The following CDH12 variants were observed in gnomAD, a reference collection of about 807,000 sequenced individuals.
The protein encoded by CDH12 is cadherin-12.
A neutral mutation model predicts 74.1 loss-of-function variants in CDH12; 41 were observed. That is an observed-to-expected ratio of 0.55 (90% CI 0.43 to 0.72). The LOEUF (loss-of-function observed/expected upper bound fraction) is 0.72, where lower values mean the gene tolerates loss of function less well. Among genes scored for constraint, CDH12 ranks in the 30% least tolerant of loss-of-function variants. The pLI is 0.00. For missense variants in CDH12, 945 were observed against 977.2 expected (o/e 0.97, Z 0.44); for synonymous variants, 399 against 355.0 (o/e 1.12, Z -1.39).
chr5:22,721,847 C>A (rs1580926605), intron 1 of CDH12, among the ~76,000 whole-genome samples: 1 of 152,142 alleles, frequency 6.6e-6, no homozygotes, highest in African/African-American at 2.4e-5. Flanking sequence ...TTAGCTTACT[C>A]TCTTTCCTGC....
At chr5:22,162,409 G>T (rs1346051695) in intron 4 of CDH12, among the ~76,000 whole-genome samples, 1 of 152,130 alleles carries the variant, frequency 6.6e-6, no homozygotes, top group Non-Finnish European at 1.5e-5. Flanking sequence ...AAAAGTCTTT[G>T]AACTTGTTCC....
chr5:22,011,464 T>C (rs1737287729), intron 5 of CDH12, among the ~76,000 whole-genome samples: 1 of 152,214 alleles, frequency 6.6e-6, no homozygotes, highest in African/African-American at 2.4e-5. Flanking sequence ...AGTTTTGCCT[T>C]TTATTGAACA....
At chr5:22,330,194 G>A (rs1168205143) in intron 3 of CDH12, among the ~76,000 whole-genome samples, 1 of 152,158 alleles carries the variant, frequency 6.6e-6, no homozygotes, top group Non-Finnish European at 1.5e-5. Flanking sequence ...ACCAGGCAGA[G>A]TAATGAGGCT....
intron 1 of CDH12, among the ~76,000 whole-genome samples, chr5:22,707,676 A>G (rs780569860): frequency 2.6e-5 from 4 of 152,178 alleles, no homozygotes; most frequent in East Asian, 1.9e-4. Context: ...ATTAAGACAT[A>G]TGGAATATTT....
intron 3 of CDH12, among the ~76,000 whole-genome samples, chr5:22,231,443 T>TA (rs1752380691): frequency 6.6e-6 from 1 of 152,058 alleles, no homozygotes; most frequent in Non-Finnish European, 1.5e-5. Context: ...TAGGGGATTT[T>TA]ATGTTTAATA....
At chr5:21,864,669 T>A (rs1751234718) in intron 6 of CDH12, among the ~76,000 whole-genome samples, 2 of 152,116 alleles carry the variant, frequency 1.3e-5, no homozygotes, top group Admixed American at 6.5e-5. Context: ...AACAAACACC[T>A]GAAAATGTGA....
intron 1 of CDH12, among the ~76,000 whole-genome samples, chr5:22,574,870 A>T (rs1172072570): frequency 6.6e-6 from 1 of 152,212 alleles, no homozygotes; most frequent in Non-Finnish European, 1.5e-5. Context: ...ATGTTATCAG[A>T]GATGAGTGTT....
At chr5:22,008,372 G>T (rs1737087829) in intron 5 of CDH12, among the ~76,000 whole-genome samples, 1 of 151,960 alleles carries the variant, frequency 6.6e-6, no homozygotes, top group African/African-American at 2.4e-5. Context: ...TGGGATTACA[G>T]GCGTCCACCA....
In CDH12 at chr5:22,315,119, CTTT is replaced by C. The variant is rs70959715; in HGVS notation, c.-333+90135_-333+90137del. Among the ~76,000 whole-genome samples the C allele has an allele frequency of 2.3e-3, 54 of 22,994 alleles. 3 individuals carry two copies. The East Asian group carries it at 0.042, about 18-fold the overall frequency. The allele number at this position is 22,994 out of a possible 152,430, so 15.1% of individuals were successfully genotyped here. ...GGCGCCTGCCACCGTGCCTGCCTGG[CTTT>C]TTTTTTTTTTTTTTTTTTTTTAGTA... On this transcript the variant is annotated intron_variant, in intron 3 of 14. Coordinates refer to ENST00000382254, the MANE Select transcript of CDH12 (RefSeq NM_004061.5).
chr5:22,795,817 C>G (rs899385415), intron 1 of CDH12, among the ~76,000 whole-genome samples: 1 of 151,592 alleles, frequency 6.6e-6, no homozygotes, highest in Non-Finnish European at 1.5e-5. Context: ...AAATTGGTAT[C>G]AAAATAGTAG....
chr5:22,848,126 C>T (rs368521469), intron 1 of CDH12, among the ~76,000 whole-genome samples: 5 of 152,046 alleles, frequency 3.3e-5, no homozygotes, highest in African/African-American at 9.7e-5. Context: ...TACAAATTTC[C>T]CTTCATTATG....
At chr5:22,238,454 A>G (rs1474588417) in intron 3 of CDH12, among the ~76,000 whole-genome samples, 4 of 152,214 alleles carry the variant, frequency 2.6e-5, no homozygotes, top group Non-Finnish European at 5.9e-5. Flanking sequence ...TTATCACTGT[A>G]AAGAAAGTCT....
chr5:22,141,914 C>A (rs1467992114), intron 4 of CDH12, among the ~76,000 whole-genome samples: 3 of 152,122 alleles, frequency 2.0e-5, no homozygotes, highest in African/African-American at 7.2e-5. Flanking sequence ...TATACTCAAA[C>A]ATCATTGATG....
intron 4 of CDH12, among the ~76,000 whole-genome samples, chr5:22,099,655 C>A (rs920301954): frequency 3.3e-5 from 5 of 152,118 alleles, no homozygotes; most frequent in African/African-American, 9.7e-5. Context: ...GTTTACACTG[C>A]CGGTTTACAC....
intron 1 of CDH12, among the ~76,000 whole-genome samples, chr5:22,613,711 G>A (rs962841605): frequency 6.6e-6 from 1 of 152,042 alleles, no homozygotes; most frequent in African/African-American, 2.4e-5. Context: ...ATCTAACTTG[G>A]CAAGGAAGAG....
chr5:21,789,271 A>T (rs1746362659), intron 10 of CDH12, among the ~76,000 whole-genome samples: 1 of 151,974 alleles, frequency 6.6e-6, no homozygotes, highest in African/African-American at 2.4e-5. Flanking sequence ...CCTCCTGGTA[A>T]GATATTATAT....
chr5:21,937,428 G>C lies in CDH12; in HGVS notation c.526+37663C>G, dbSNP rs1277561559. Among the ~76,000 whole-genome samples the C allele has an allele frequency of 4.6e-5, 7 of 152,266 alleles. No individual in the cohort carries two copies. The East Asian group carries it at 1.2e-3, about 25-fold the overall frequency. On this transcript the variant is annotated intron_variant, in intron 6 of 14. Transcript: ENST00000382254. ...TTTGGATACTGATACAATAGTCCAG[G>C]TTAAAGATGATTTGGACCCTGGCAC...
intron 4 of CDH12, among the ~76,000 whole-genome samples, chr5:22,175,719 A>G (rs1749293763): frequency 6.6e-6 from 1 of 152,150 alleles, no homozygotes; most frequent in Non-Finnish European, 1.5e-5. Flanking sequence ...GTGAATGCTG[A>G]TGGCAGAATG....
At chr5:22,842,910 T>C (rs555315404) in intron 1 of CDH12, among the ~76,000 whole-genome samples, 1 of 152,232 alleles carries the variant, frequency 6.6e-6, no homozygotes, top group East Asian at 1.9e-4. Context: ...AATGCCTTTA[T>C]ACATATTGTA....
Sources: gnomAD v4.1 joint callset for allele counts (sites outside exome capture counted in the v4.1 genomes callset) on GRCh38, gnomAD v4.1.1 for gene constraint, MANE v1.5 for transcripts, NCBI Gene and HGNC (gene_info 2026-07-23, HGNC 2026-07-21) for gene names.